ACP3: variants seen among roughly 807,000 people sequenced by gnomAD.
ACP3 encodes prostatic acid phosphatase.
In ACP3, 38 loss-of-function variants were observed where a neutral mutation model predicts 45.6. The ratio of observed to expected loss-of-function variants is 0.83; its 90% confidence interval spans 0.64 to 1.09. ACP3 has a LOEUF of 1.09. ACP3 is among the 50% of genes least tolerant of loss of function. ACP3 has a pLI of 0.00. For missense variants in ACP3, 466 were observed against 463.2 expected, an observed-to-expected ratio of 1.01 and a Z score of -0.05; for synonymous variants, 162 against 164.7, an observed-to-expected ratio of 0.98 and a Z score of 0.13.
downstream of ACP3, among the ~76,000 whole-genome samples, chr3:132,361,220 C>A (rs146802243): frequency 6.6e-6 from 1 of 152,278 alleles, no homozygotes; most frequent in African/African-American, 2.4e-5. Flanking sequence ...TCAATGATAT[C>A]CCTTGTTCAA....
At position 132,332,339 on chromosome 3, in the gene ACP3, G is replaced by C. The variant is rs779763253; in HGVS notation, c.451G>C (p.Asp151His). Residue 151 changes from aspartate (D) to histidine (H), a missense_variant, in exon 4 of 10, where the codon GAT (aspartate) becomes CAT (histidine). By Grantham distance (81) the Asp-to-His change is moderately conservative. Transcript: ENST00000336375. ...IPVHTVPLSEDQLLYLPFRNC... is the reference protein window; with the variant it reads ...IPVHTVPLSEHQLLYLPFRNC... ...GGTGCACACAGTTCCTCTTTCTGAAGATCAGGTCAGTATACTGGGAAAACC... is the reference window on the plus strand; with the variant it reads ...GGTGCACACAGTTCCTCTTTCTGAACATCAGGTCAGTATACTGGGAAAACC... 1 of 1,614,118 alleles carries C rather than the reference G, an allele frequency of 6.2e-7. No homozygotes were observed. Among genetic ancestry groups the C allele is most frequent in the Non-Finnish European group, 8.5e-7 (1 of 1,180,000 alleles).
intron 5 of ACP3, among the ~76,000 whole-genome samples, chr3:132,340,000 A>G (rs912060450): frequency 1.3e-5 from 2 of 152,136 alleles, no homozygotes; most frequent in East Asian, 1.9e-4. Flanking sequence ...TAGGAATTCT[A>G]TGGCAGAAAA....
At chr3:132,355,615 T>C (rs1937871104) in intron 9 of ACP3, among the ~76,000 whole-genome samples, 1 of 152,118 alleles carries the variant, frequency 6.6e-6, no homozygotes, top group Non-Finnish European at 1.5e-5. Flanking sequence ...CCTCCCAGGT[T>C]CAAGTGATTC....
chr3:132,358,923 A>C (rs1007165968), downstream of ACP3: 1 of 951,258 alleles, frequency 1.1e-6, no homozygotes, highest in Non-Finnish European at 1.3e-6. Flanking sequence ...TGACTGGCTT[A>C]AATGAACATT....
intron 10 of ACP3, among the ~76,000 whole-genome samples, chr3:132,364,110 G>A (rs780417508): frequency 4.2e-4 from 64 of 152,252 alleles, no homozygotes; most frequent in Non-Finnish European, 7.1e-4. Flanking sequence ...TTGAGAGTCC[G>A]AGGTGGGATA....
chr3:132,321,162 C>T (rs933001297), intron 1 of ACP3, among the ~76,000 whole-genome samples: 4 of 151,912 alleles, frequency 2.6e-5, no homozygotes, highest in Non-Finnish European at 4.4e-5. Context: ...AAAACCCTGT[C>T]GCTTGGGTTG....
intron 2 of ACP3, among the ~76,000 whole-genome samples, chr3:132,329,788 G>T (rs1937366216): frequency 6.6e-6 from 1 of 152,078 alleles, no homozygotes; most frequent in Non-Finnish European, 1.5e-5. Context: ...AATTCAGCAG[G>T]TCTGATGTGG....
intron 4 of ACP3, among the ~76,000 whole-genome samples, chr3:132,332,882 A>C (rs1442995356): frequency 6.6e-6 from 1 of 152,224 alleles, no homozygotes; most frequent in Non-Finnish European, 1.5e-5. Context: ...CTCTCCTTTT[A>C]TAGTGAGGGA....
chr3:132,352,222 A>G (rs1937758498), intron 8 of ACP3, among the ~76,000 whole-genome samples: 2 of 152,136 alleles, frequency 1.3e-5, no homozygotes, highest in South Asian at 4.2e-4. Context: ...TTTTATCGAG[A>G]TGGAGTCCCG....
At chr3:132,318,986 G>A (rs1286030966) in intron 1 of ACP3, among the ~76,000 whole-genome samples, 18 of 152,180 alleles carry the variant, frequency 1.2e-4, no homozygotes, top group Admixed American at 1.2e-3. Context: ...CTACCAAATT[G>A]TTGTGGGTTT....
chr3:132,351,017 A>C (rs1937721902), intron 8 of ACP3, among the ~76,000 whole-genome samples: 1 of 152,202 alleles, frequency 6.6e-6, no homozygotes, highest in Non-Finnish European at 1.5e-5. Context: ...ATGAATTGGA[A>C]GTGGGTGGAA....
chr3:132,327,762 C>G (rs928429932), intron 1 of ACP3, among the ~76,000 whole-genome samples: 1 of 150,616 alleles, frequency 6.6e-6, no homozygotes, highest in African/African-American at 2.5e-5. Flanking sequence ...CCACTGCACT[C>G]CAGCCTGGGC....
rs1305859749 is a variant in ACP3, at chr3:132,363,878, A to C, written c.1139-3826A>C. Among the ~76,000 whole-genome samples the C allele has an allele frequency of 2.0e-5, 3 of 152,328 alleles. No homozygotes were observed. The East Asian group carries it at 5.8e-4, about 29-fold the overall frequency. Reference sequence around the variant, plus strand: ...CTTGAACCCGGGAGGCGGAGGTTGCAGTGAACCGAGATCGTGCCACTGCAC... The same window carrying C: ...CTTGAACCCGGGAGGCGGAGGTTGCCGTGAACCGAGATCGTGCCACTGCAC... On this transcript the variant is annotated intron_variant, in intron 10 of 10. Transcript: ENST00000351273.
At chr3:132,348,698 G>A (rs34081003) in intron 7 of ACP3, among the ~76,000 whole-genome samples, 18,942 of 152,098 alleles carry the variant, frequency 0.12, 1,397 homozygotes, top group Non-Finnish European at 0.18. Flanking sequence ...TCTCTGAGAT[G>A]GAGGGATTTA....
At chr3:132,318,110 T>G (rs1192209824) in intron 1 of ACP3, among the ~76,000 whole-genome samples, 1 of 152,208 alleles carries the variant, frequency 6.6e-6, no homozygotes, top group African/African-American at 2.4e-5. Flanking sequence ...TAGTTGACGA[T>G]TAAAATCATT....
At chr3:132,334,505 A>C (rs1441696630) in intron 4 of ACP3, among the ~76,000 whole-genome samples, 1 of 152,214 alleles carries the variant, frequency 6.6e-6, no homozygotes, top group Non-Finnish European at 1.5e-5. Flanking sequence ...AATTTCAAGT[A>C]CAAGCCACAT....
chr3:132,326,550 C>T (rs148950294), intron 1 of ACP3, among the ~76,000 whole-genome samples: 254 of 152,286 alleles, frequency 1.7e-3, no homozygotes, highest in African/African-American at 5.8e-3. Flanking sequence ...ACATTTATTG[C>T]ATCATTGCCC....
intron 7 of ACP3, 48 bp downstream of exon 7, chr3:132,345,107 A>G (rs771727685): frequency 2.1e-5 from 32 of 1,550,484 alleles, no homozygotes; most frequent in Non-Finnish European, 2.6e-5. Flanking sequence ...TGGTTGAATG[A>G]TCCAGGTCTG....
chr3:132,323,615 CA>C (rs1937243854), intron 1 of ACP3, among the ~76,000 whole-genome samples: 2 of 152,108 alleles, frequency 1.3e-5, no homozygotes, highest in South Asian at 4.1e-4. Flanking sequence ...AGAGAAGACG[CA>C]GACTTGAGAC....
Sources: allele counts gnomAD v4.1 joint callset (sites outside exome capture counted in the v4.1 genomes callset), GRCh38; gene constraint gnomAD v4.1.1; transcripts MANE v1.5; gene names NCBI Gene and HGNC (gene_info 2026-07-23, HGNC 2026-07-21).